The following NIPSNAP3A variants were observed in gnomAD, a reference collection of about 807,000 sequenced individuals.
The protein encoded by NIPSNAP3A is protein NipSnap homolog 3A.
NIPSNAP3A carries 27 observed loss-of-function variants against 32.3 expected under a neutral mutation model. The observed-to-expected ratio is 0.84, with a 90% CI of 0.62 to 1.15. The LOEUF is 1.15. Among genes scored for constraint, NIPSNAP3A ranks in the 50% most tolerant of loss-of-function variants. NIPSNAP3A has a pLI of 0.00. For missense variants in NIPSNAP3A, 278 were observed against 297.2 expected, an observed-to-expected ratio of 0.94 and a Z score of 0.48; for synonymous variants, 108 against 107.3, an observed-to-expected ratio of 1.01 and a Z score of -0.04.
chr9:104,747,831 C>G lies in NIPSNAP3A; in HGVS notation c.39C>G (p.Ala13=). The change falls in exon 1 of 6, where the codon GCC becomes GCG. Residue 13 remains alanine (A), a synonymous_variant. Transcript: ENST00000374767. ...GAAGCGCCCTGACTCGGGCGCTGGC[C>G]TCACGGACGCTGGCGCCTCAGGTAC... ...VLRSALTRAL[A]SRTLAPQMCS... The G allele has an allele frequency of 6.2e-7, 1 of 1,608,690 alleles. No individual in the cohort carries two copies. Among genetic ancestry groups the G allele is most frequent in the Non-Finnish European group, 8.5e-7 (1 of 1,178,946 alleles).
At position 104,759,306 on chromosome 9, in the gene NIPSNAP3A, C is replaced by T. The variant is rs376276555; in HGVS notation, c.712C>T (p.Leu238=). Reference sequence around the variant, plus strand: ...CCTAGTATCTCAGCAGAATATGCTTCTGATTCCTACATCGTTTTCACCACT... The same window carrying T: ...CCTAGTATCTCAGCAGAATATGCTTTTGATTCCTACATCGTTTTCACCACT... The part of the protein sequence containing the change: ...NYLVSQQNML[L]IPTSFSPLK Residue 238 remains leucine, a synonymous_variant, in exon 6 of 6, where the codon CTG becomes TTG. Coordinates refer to ENST00000374767, the MANE Select transcript of NIPSNAP3A (RefSeq NM_015469.3). 6.2e-7 allele frequency: 1 copy of T among 1,613,988 alleles called. No homozygotes were observed. The highest frequency in any genetic ancestry group is 1.3e-5 in the African/African-American group (1 of 75,050).
rs1390302880 is a variant in NIPSNAP3A at position 104,747,808 on chromosome 9, A to G, written c.16A>G (p.Ser6Gly). ...AAGCCGCGCCATGCTCGTCCTCAGA[A>G]GCGCCCTGACTCGGGCGCTGGCCTC... Reference protein sequence around the residue: MLVLRSALTRALASRT... With the variant: MLVLRGALTRALASRT... Residue 6 changes from serine (S) to glycine (G), a missense_variant, in exon 1 of 6, where the codon AGC becomes GGC. Physicochemically the swap from Ser to Gly is moderately conservative, Grantham distance 56. Coordinates refer to ENST00000374767, the MANE Select transcript of NIPSNAP3A (RefSeq NM_015469.3). The G allele has an allele frequency of 1.2e-6, 2 of 1,609,554 alleles. No homozygotes were observed. Among genetic ancestry groups the G allele is most frequent in the Non-Finnish European group, 1.7e-6 (2 of 1,179,224 alleles).
intron 4 of NIPSNAP3A, among the ~76,000 whole-genome samples, chr9:104,757,599 A>T (rs1320585136): frequency 6.6e-6 from 1 of 152,212 alleles, no homozygotes; most frequent in Admixed American, 6.6e-5. Flanking sequence ...TTATGTTAAT[A>T]TTGTTTACAT....
At chr9:104,754,499 ATTGGATATTGC>A (rs1827882378) in intron 3 of NIPSNAP3A, 41 bp from the exon 4 acceptor site, 1 of 1,524,532 alleles carries the variant, frequency 6.6e-7, no homozygotes, top group Non-Finnish European at 9.1e-7. Flanking sequence ...GAGAAACGTG[ATTGGATATTGC>A]TTGAATGTTT....
At chr9:104,748,573 T>C (rs1033707370) in intron 1 of NIPSNAP3A, among the ~76,000 whole-genome samples, 1 of 152,180 alleles carries the variant, frequency 6.6e-6, no homozygotes, top group African/African-American at 2.4e-5. Flanking sequence ...AGTGGCCTAT[T>C]CTGTGGCTTC....
In NIPSNAP3A at chr9:104,749,005, C is replaced by A. The variant is rs566922733; in HGVS notation, c.60+1153C>A. Among the ~76,000 whole-genome samples the A allele has an allele frequency of 4.6e-5, 7 of 152,272 alleles. No individual in the cohort carries two copies. In the South Asian group the frequency reaches 1.0e-3, roughly 23 times the overall value. ...ACCCGGCTCCCCTGCAGTCTTCCTT[C>A]TCTGGCACCACCTGTCCACATCTCT... On this transcript the variant is annotated intron_variant, in intron 1 of 5. Coordinates refer to ENST00000374767, the MANE Select transcript of NIPSNAP3A (RefSeq NM_015469.3).
At chr9:104,752,508 T>A (rs904580149) in intron 2 of NIPSNAP3A, among the ~76,000 whole-genome samples, 1 of 152,156 alleles carries the variant, frequency 6.6e-6, no homozygotes, top group African/African-American at 2.4e-5. Context: ...ATATACTGAG[T>A]ATTAACTAGT....
chr9:104,750,912 ATCCTGTCT>A, intron 1 of NIPSNAP3A, 36 bp from the exon 2 acceptor site: 1 of 1,454,206 alleles, frequency 6.9e-7, no homozygotes, highest in Non-Finnish European at 9.7e-7. Flanking sequence ...AATATAATGA[ATCCTGTCT>A]TCTCAAGATA....
In NIPSNAP3A at chr9:104,759,246, T is replaced by G. The variant is rs904185983; in HGVS notation, c.668-16T>G. The G allele has an allele frequency of 6.2e-7, 1 of 1,614,046 alleles. No homozygotes were observed. Among genetic ancestry groups the G allele is most frequent in the African/African-American group, 1.3e-5 (1 of 74,932 alleles). ...GTCAGTAACTCTATATGCCTTTCTA[T>G]GAAATGTTTTTCCAGTTCGGGAAAG... On this transcript the variant is annotated splice_polypyrimidine_tract_variant and intron_variant, in intron 5 of 5. Transcript: ENST00000374767.
intron 4 of NIPSNAP3A, among the ~76,000 whole-genome samples, chr9:104,754,992 G>C (rs1359553276): frequency 6.6e-6 from 1 of 152,118 alleles, no homozygotes; most frequent in Non-Finnish European, 1.5e-5. Context: ...TGTAATCCCA[G>C]CACTTTTGGA....
intron 2 of NIPSNAP3A, 143 bp downstream of exon 2, chr9:104,751,309 G>A: frequency 2.6e-6 from 2 of 773,800 alleles, no homozygotes; most frequent in Admixed American, 2.2e-5. Flanking sequence ...CTTTTGAAAA[G>A]CAATACCAAA....
At chr9:104,756,715 A>C (rs1324869249) in intron 4 of NIPSNAP3A, among the ~76,000 whole-genome samples, 1 of 152,010 alleles carries the variant, frequency 6.6e-6, no homozygotes, top group Non-Finnish European at 1.5e-5. Flanking sequence ...GTATGTGTAT[A>C]GGTGTGCTAA....
chr9:104,747,955 A>C, intron 1 of NIPSNAP3A, 103 bp downstream of exon 1: 1 of 1,180,290 alleles, frequency 8.5e-7, no homozygotes, highest in South Asian at 1.5e-5. Context: ...GCTCTCCGCC[A>C]CGCGCGCCCA....
Position 104,750,333 on chromosome 9 carries a change from G to C in NIPSNAP3A, c.61-623G>C, listed in dbSNP as rs552678806. On this transcript the variant is annotated intron_variant, in intron 1 of 5. Coordinates refer to ENST00000374767, the MANE Select transcript of NIPSNAP3A (RefSeq NM_015469.3). ...AGCAATTTCTGAAAAAGTGGCTAAAGGTGACAGTGAACCCCCACTAGGAAA... is the reference window on the plus strand; with the variant it reads ...AGCAATTTCTGAAAAAGTGGCTAAACGTGACAGTGAACCCCCACTAGGAAA... Among the ~76,000 whole-genome samples the C allele has an allele frequency of 2.0e-5, 3 of 152,212 alleles. No individual in the cohort carries two copies. The South Asian group carries it at 6.2e-4, about 32-fold the overall frequency.
Position 104,759,533 on chromosome 9 carries a change from A to T in NIPSNAP3A, c.*195A>T. 3.4e-6 allele frequency: 2 copies of T among 584,494 alleles called. No homozygotes were observed. Among genetic ancestry groups the T allele is most frequent in the Non-Finnish European group, 6.1e-6 (2 of 330,530 alleles). The allele number at this position is 584,494 out of a possible 1,614,324, so 36.2% of individuals were successfully genotyped here. A position where few individuals can be genotyped will look rare whatever the true frequency, so the allele number is the denominator to read the frequency against. ...AAAAATAGTTCTGTTTACTTTCTGC[A>T]TGGTATTTCAGTGTCTGTCATACAT... On this transcript the variant is annotated 3_prime_UTR_variant, in exon 6 of 6. Transcript: ENST00000374767.
In NIPSNAP3A at chr9:104,751,064, G is replaced by C. The variant is rs139066291; in HGVS notation, c.169G>C (p.Glu57Gln). ...SKMNEFLENF[E>Q]KNAHLRTAHS... ...GATGAATGAGTTCCTGGAAAATTTT[G>C]AGAAAAACGCTCATCTTCGGACAGC... is the stretch of plus-strand genomic sequence containing the variant. The change falls in exon 2 of 6, where the codon GAG (glutamate) becomes CAG (glutamine). Residue 57 changes from glutamate (E) to glutamine (Q), a missense_variant. By Grantham distance (29) the Glu-to-Gln change is conservative. Coordinates refer to ENST00000374767, the MANE Select transcript of NIPSNAP3A (RefSeq NM_015469.3). 135 of 1,614,018 alleles carry C rather than the reference G, an allele frequency of 8.4e-5. 1 individual carries two copies. The African/African-American group carries it at 1.5e-3, about 18-fold the overall frequency.
intron 2 of NIPSNAP3A, 49 bp from the exon 3 acceptor site, chr9:104,752,857 T>A (rs1283035667): frequency 1.3e-6 from 2 of 1,484,304 alleles, no homozygotes; most frequent in Non-Finnish European, 1.9e-6. Context: ...AAAGTACAGG[T>A]GATTTAAAAT....
Position 104,754,549 on chromosome 9 carries a change from A to G in NIPSNAP3A, c.431-2A>G. 1 of 1,613,686 alleles carries G rather than the reference A, an allele frequency of 6.2e-7. No individual in the cohort carries two copies. Among genetic ancestry groups the G allele is most frequent in the Non-Finnish European group, 8.5e-7 (1 of 1,179,876 alleles). ...GAAAAATTCTTTTTCTCCCTATTCC[A>G]GGAGTCTATGAACTGGCCACTTTTC... On this transcript the variant is annotated splice_acceptor_variant, in intron 3 of 5. Transcript: ENST00000374767. LOFTEE classifies it high-confidence loss of function.
chr9:104,759,395 G>A lies in NIPSNAP3A; in HGVS notation c.*57G>A. 6.5e-7 allele frequency: 1 copy of A among 1,534,168 alleles called. No homozygotes were observed. Among genetic ancestry groups the A allele is most frequent in the Non-Finnish European group, 9.0e-7 (1 of 1,112,084 alleles). On this transcript the variant is annotated 3_prime_UTR_variant, in exon 6 of 6. Transcript: ENST00000374767. ...CTGCTATAGGATCTGTCTGCTAATG[G>A]TGCTTAAATTCTCCCAAGAGGTTCT...
Sources: allele counts gnomAD v4.1 joint callset (sites outside exome capture counted in the v4.1 genomes callset), GRCh38; gene constraint gnomAD v4.1.1; transcripts MANE v1.5; gene names NCBI Gene and HGNC (gene_info 2026-07-23, HGNC 2026-07-21).